The following CDH18 variants were observed in gnomAD, a reference collection of about 807,000 sequenced individuals.
CDH18 encodes the protein cadherin 18.
A neutral mutation model predicts 67.9 loss-of-function variants in CDH18; 31 were observed. That is an observed-to-expected ratio of 0.46 (90% CI 0.34 to 0.62). The LOEUF (loss-of-function observed/expected upper bound fraction) is 0.62, where lower values mean the gene tolerates loss of function less well. Ranked by LOEUF, CDH18 falls within the 20% of genes least tolerant of loss-of-function variation. The pLI is 0.01. For missense variants in CDH18, 890 were observed against 975.5 expected, an observed-to-expected ratio of 0.91 and a Z score of 1.17; for synonymous variants, 362 against 347.2, an observed-to-expected ratio of 1.04 and a Z score of -0.48.
At chr5:19,733,489 G>T (rs1451896450) in intron 4 of CDH18, among the ~76,000 whole-genome samples, 1 of 152,066 alleles carries the variant, frequency 6.6e-6, no homozygotes, top group Non-Finnish European at 1.5e-5. Flanking sequence ...AGAGCTGTTT[G>T]GTCACTCAAT....
intron 1 of CDH18, among the ~76,000 whole-genome samples, chr5:20,267,647 T>G (rs1745140517): frequency 6.6e-6 from 1 of 152,196 alleles, no homozygotes; most frequent in African/African-American, 2.4e-5. Flanking sequence ...AGGCATTTTG[T>G]TTTGTTTTGT....
chr5:19,621,488 C>G (rs1447944385), intron 5 of CDH18, among the ~76,000 whole-genome samples: 1 of 152,072 alleles, frequency 6.6e-6, no homozygotes, highest in African/African-American at 2.4e-5. Context: ...GAATTATAAT[C>G]GGGATCTCAT....
At chr5:19,835,696 G>GA (rs1054678378) in intron 3 of CDH18, among the ~76,000 whole-genome samples, 3 of 151,680 alleles carry the variant, frequency 2.0e-5, no homozygotes, top group Non-Finnish European at 4.4e-5. Context: ...GTGTGTGGGA[G>GA]AAAAAAAATC....
At chr5:19,588,977 G>A (rs929688229) in intron 7 of CDH18, among the ~76,000 whole-genome samples, 1 of 151,982 alleles carries the variant, frequency 6.6e-6, no homozygotes. Context: ...CTGACATTAT[G>A]AGACAGATCA....
chr5:20,304,289 T>C (rs1254059992), intron 1 of CDH18: 1 of 1,601,862 alleles, frequency 6.2e-7, no homozygotes, highest in Non-Finnish European at 8.6e-7. Context: ...TGTCTTCTGA[T>C]TTGCTGTAGG....
At chr5:20,034,145 A>G (rs556752586) in intron 2 of CDH18, among the ~76,000 whole-genome samples, 8 of 152,132 alleles carry the variant, frequency 5.3e-5, no homozygotes, top group African/African-American at 1.7e-4. Flanking sequence ...GTGACTGTAC[A>G]TGAAAATGAG....
At chr5:19,641,142 CA>C (rs3062887) in intron 5 of CDH18, among the ~76,000 whole-genome samples, 48,718 of 112,248 alleles carry the variant, frequency 0.43, 8,811 homozygotes, top group Middle Eastern at 0.59. Flanking sequence ...CTAAATTTTT[CA>C]AAAAAAAAAA....
At chr5:20,329,700 G>A (rs1052757311) in intron 1 of CDH18, among the ~76,000 whole-genome samples, 2 of 149,612 alleles carry the variant, frequency 1.3e-5, no homozygotes, top group Non-Finnish European at 3.0e-5. Flanking sequence ...AACCCCGGAG[G>A]CGGAGGTTGC....
intron 5 of CDH18, among the ~76,000 whole-genome samples, chr5:19,635,054 TCCTGTG>T (rs1384667041): frequency 2.2e-4 from 33 of 152,250 alleles, no homozygotes; most frequent in African/African-American, 7.7e-4. Flanking sequence ...TTCAAAATAC[TCCTGTG>T]AGGTGATATA....
chr5:19,786,467 T>C (rs1334698465), intron 3 of CDH18, among the ~76,000 whole-genome samples: 1 of 152,166 alleles, frequency 6.6e-6, no homozygotes, highest in East Asian at 1.9e-4. Flanking sequence ...TTTTCTAATT[T>C]ATTAATGAGC....
intron 2 of CDH18, among the ~76,000 whole-genome samples, chr5:20,038,310 A>C (rs1019746736): frequency 7.2e-5 from 11 of 152,180 alleles, no homozygotes; most frequent in African/African-American, 2.7e-4. Context: ...AAACTATTCC[A>C]AACAACTGAA....
At chr5:19,867,803 A>C (rs1785731956) in intron 2 of CDH18, among the ~76,000 whole-genome samples, 1 of 152,208 alleles carries the variant, frequency 6.6e-6, no homozygotes, top group African/African-American at 2.4e-5. Flanking sequence ...ACCTATTGAT[A>C]TGGTTTGGCT....
At chr5:20,300,962 T>TA (rs1290898364) in intron 1 of CDH18, among the ~76,000 whole-genome samples, 3 of 152,040 alleles carry the variant, frequency 2.0e-5, no homozygotes, top group South Asian at 4.1e-4. Context: ...TCATTCACTT[T>TA]AAAAAAAATT....
At chr5:20,524,453 T>A (rs1755924266) in intron 1 of CDH18, among the ~76,000 whole-genome samples, 1 of 152,196 alleles carries the variant, frequency 6.6e-6, no homozygotes, top group African/African-American at 2.4e-5. Context: ...ACAGCACATT[T>A]TTTCTACATT....
intron 2 of CDH18, among the ~76,000 whole-genome samples, chr5:20,011,306 TATCCCA>T (rs1283108070): frequency 1.3e-5 from 2 of 152,216 alleles, no homozygotes; most frequent in Admixed American, 1.3e-4. Flanking sequence ...ATTGATTTTA[TATCCCA>T]ATACTTTGCC....
chr5:20,223,566 G>A (rs1009560406), intron 2 of CDH18, among the ~76,000 whole-genome samples: 6 of 152,000 alleles, frequency 3.9e-5, no homozygotes, highest in Non-Finnish European at 8.8e-5. Flanking sequence ...GGCGCCAGGG[G>A]GCAGAATTAT....
At chr5:19,488,244 T>C (rs1281829580) in intron 11 of CDH18, among the ~76,000 whole-genome samples, 1 of 152,172 alleles carries the variant, frequency 6.6e-6, no homozygotes, top group East Asian at 1.9e-4. Context: ...AGTCCAAAAT[T>C]ACCTTATAGC....
chr5:19,553,170 G>C (rs1737769122), intron 8 of CDH18, among the ~76,000 whole-genome samples: 1 of 151,980 alleles, frequency 6.6e-6, no homozygotes, highest in Non-Finnish European at 1.5e-5. Flanking sequence ...CTTTGATTAG[G>C]TATACATTCG....
chr5:20,186,740 A>T (rs916382103), intron 2 of CDH18, among the ~76,000 whole-genome samples: 1 of 126,378 alleles, frequency 7.9e-6, no homozygotes, highest in Non-Finnish European at 1.9e-5. Flanking sequence ...AAAATGATAT[A>T]GCAATTCCTT....
Sources: gnomAD v4.1 joint callset for allele counts (sites outside exome capture counted in the v4.1 genomes callset) on GRCh38, gnomAD v4.1.1 for gene constraint, MANE v1.5 for transcripts, NCBI Gene and HGNC (gene_info 2026-07-23, HGNC 2026-07-21) for gene names.